Variants in MTF2 observed in about 807,000 individuals in gnomAD.
MTF2 encodes metal response element binding transcription factor 2.
MTF2 carries 11 observed loss-of-function variants against 79.5 expected under a neutral mutation model. That is an observed-to-expected ratio of 0.14 (90% CI 0.09 to 0.23). The LOEUF is 0.23. Among genes scored for constraint, MTF2 ranks in the 10% least tolerant of loss-of-function variants. The pLI is 1.00. For missense variants in MTF2, 486 were observed against 711.2 expected (o/e 0.68, Z 3.60); for synonymous variants, 208 against 232.8 (o/e 0.89, Z 0.97).
In MTF2 at chr1:93,137,945, T is replaced by C. The variant is rs1431352510; in HGVS notation, c.*918T>C. 6.6e-6 allele frequency: 1 copy of C among 152,204 alleles called. No homozygotes were observed. The highest frequency in any genetic ancestry group is 1.5e-5 in the Non-Finnish European group (1 of 68,022). 9.4% of individuals were successfully genotyped at this position (152,204 alleles called of 1,614,324 possible). A position where few individuals can be genotyped will look rare whatever the true frequency, so the allele number is the denominator to read the frequency against. On this transcript the variant is annotated 3_prime_UTR_variant, in exon 15 of 15. Coordinates refer to ENST00000370298, the MANE Select transcript of MTF2 (RefSeq NM_007358.4). ...AAATAATATGAACATTATCTCCTAC[T>C]AGAAGTAACGTTTTCAAGTTTTCAT...
rs145310966 is a variant in MTF2 at position 93,109,293 on chromosome 1, T to A, written c.6-937T>A. On this transcript the variant is annotated intron_variant, in intron 1 of 14. Coordinates refer to ENST00000370298, the MANE Select transcript of MTF2 (RefSeq NM_007358.4). ...TAATTTCACAGTATTTAATATATAT[T>A]TTTTTCCTTTAAGTACTCTTATAGT... Among the ~76,000 whole-genome samples the A allele has an allele frequency of 1.2e-4, 18 of 152,088 alleles. 1 individual carries two copies. The East Asian group carries it at 3.1e-3, about 26-fold the overall frequency.
chr1:93,080,562 G>T (rs943966503), intron 1 of MTF2, among the ~76,000 whole-genome samples: 1 of 152,216 alleles, frequency 6.6e-6, no homozygotes, highest in Non-Finnish European at 1.5e-5. Context: ...AGCTAGGCCT[G>T]TGTGTAATAC....
intron 1 of MTF2, among the ~76,000 whole-genome samples, chr1:93,081,517 A>G (rs898799188): frequency 6.6e-6 from 1 of 152,178 alleles, no homozygotes; most frequent in African/African-American, 2.4e-5. Context: ...TAGTTAGTCG[A>G]CACTTCCATG....
At chr1:93,107,516 G>A (rs762664478) in intron 1 of MTF2, among the ~76,000 whole-genome samples, 1 of 152,128 alleles carries the variant, frequency 6.6e-6, no homozygotes, top group South Asian at 2.1e-4. Flanking sequence ...ATGAGCCACC[G>A]TGCTGGCCAG....
At position 93,138,926 on chromosome 1, in the gene MTF2, A is replaced by G. The variant is rs998824505; in HGVS notation, c.*1899A>G. The G allele has an allele frequency of 2.0e-5, 3 of 152,248 alleles. No homozygotes were observed. The highest frequency in any genetic ancestry group is 7.2e-5 in the African/African-American group (3 of 41,478). 9.4% of individuals were successfully genotyped at this position (152,248 alleles called of 1,614,324 possible). A position where few individuals can be genotyped will look rare whatever the true frequency, so the allele number is the denominator to read the frequency against. On this transcript the variant is annotated 3_prime_UTR_variant, in exon 15 of 15. Transcript: ENST00000370298. ...AACATACTTGGAAGATGATTTATCC[A>G]GCTGAACTGTCTTTAGACGTAATTA...
intron 8 of MTF2, 99 bp from the exon 9 acceptor site, chr1:93,120,450 T>A: frequency 1.7e-6 from 2 of 1,146,810 alleles, no homozygotes; most frequent in East Asian, 5.4e-5. Flanking sequence ...ACCTAAATAT[T>A]TCTCTTTGCA....
At chr1:93,081,461 A>T (rs1230161961) in intron 1 of MTF2, among the ~76,000 whole-genome samples, 1 of 152,218 alleles carries the variant, frequency 6.6e-6, no homozygotes, top group African/African-American at 2.4e-5. Context: ...GCCATGACCA[A>T]CATCTGTAGC....
intron 1 of MTF2, among the ~76,000 whole-genome samples, chr1:93,097,084 A>C (rs1303059912): frequency 6.6e-6 from 1 of 152,178 alleles, no homozygotes; most frequent in Non-Finnish European, 1.5e-5. Context: ...TGCTGGGATT[A>C]CAGGCCTGAG....
At chr1:93,087,326 C>G (rs1210899575) in intron 1 of MTF2, among the ~76,000 whole-genome samples, 1 of 152,130 alleles carries the variant, frequency 6.6e-6, no homozygotes, top group Non-Finnish European at 1.5e-5. Context: ...AATCCCAGCA[C>G]TTTGGGAGGC....
chr1:93,089,987 T>A (rs1655006797), intron 1 of MTF2, among the ~76,000 whole-genome samples: 1 of 151,992 alleles, frequency 6.6e-6, no homozygotes, highest in South Asian at 2.1e-4. Context: ...TAATTTTTTT[T>A]CTTTTTTGAG....
intron 1 of MTF2, among the ~76,000 whole-genome samples, chr1:93,089,784 C>CT (rs933042786): frequency 3.3e-5 from 5 of 150,746 alleles, no homozygotes; most frequent in Non-Finnish European, 7.4e-5. Flanking sequence ...CCAGGCTGGT[C>CT]TTGAACTCCC....
At position 93,120,568 on chromosome 1, in the gene MTF2, T is replaced by C; in HGVS notation, c.817T>C (p.Cys273Arg). 6.2e-7 allele frequency: 1 copy of C among 1,605,450 alleles called. No homozygotes were observed. The highest frequency in any genetic ancestry group is 8.5e-7 in the Non-Finnish European group (1 of 1,176,066). Residue 273 changes from cysteine (C) to arginine (R), a missense_variant, in exon 9 of 15, where the codon TGC (cysteine) becomes CGC (arginine). Physicochemically the swap from Cys to Arg is radical, Grantham distance 180. Coordinates refer to ENST00000370298, the MANE Select transcript of MTF2 (RefSeq NM_007358.4). ...TTCCAGGGTAGATATAGCACACCTA[T>C]GCCTTTACAACCTAAGTGTTATTCA... Reference protein sequence around the residue: ...PLQWVDIAHLCLYNLSVIHKK... With the variant: ...PLQWVDIAHLRLYNLSVIHKK...
intron 1 of MTF2, among the ~76,000 whole-genome samples, chr1:93,090,156 T>G (rs1015567306): frequency 5.9e-5 from 9 of 152,148 alleles, no homozygotes; most frequent in Non-Finnish European, 1.2e-4. Context: ...TTTTGTATTT[T>G]TAGTAGAGAC....
At chr1:93,117,108 A>G (rs1656279349) in intron 6 of MTF2, among the ~76,000 whole-genome samples, 1 of 152,244 alleles carries the variant, frequency 6.6e-6, no homozygotes, top group Admixed American at 6.5e-5. Context: ...GAACCTAGAA[A>G]AATAGTGCTA....
chr1:93,097,992 C>T (rs1035264968), intron 1 of MTF2, among the ~76,000 whole-genome samples: 4 of 152,102 alleles, frequency 2.6e-5, no homozygotes, highest in African/African-American at 7.2e-5. Context: ...TATTGAGAAT[C>T]GATGTGTGCC....
At chr1:93,118,324 C>G in intron 6 of MTF2, 21 bp from the exon 7 acceptor site, 1 of 1,259,904 alleles carries the variant, frequency 7.9e-7, no homozygotes, top group Non-Finnish European at 1.1e-6. Context: ...TTAGTGTTAA[C>G]TTTTTTGTTT....
intron 1 of MTF2, among the ~76,000 whole-genome samples, chr1:93,084,996 A>G (rs1654775726): frequency 6.6e-6 from 1 of 152,206 alleles, no homozygotes; most frequent in Non-Finnish European, 1.5e-5. Context: ...TCTTATCAGT[A>G]CTTGAGCCCC....
At position 93,129,130 on chromosome 1, in the gene MTF2, A is replaced by C. The variant is rs949475510; in HGVS notation, c.990-148A>C. 4 of 479,886 alleles carry C rather than the reference A, an allele frequency of 8.3e-6. No individual in the cohort carries two copies. In the Admixed American group the frequency reaches 1.6e-4, roughly 19 times the overall value. The allele number at this position is 479,886 out of a possible 1,614,324, so 29.7% of individuals were successfully genotyped here. Reference sequence around the variant, plus strand: ...CTGTAGACTGGCTCTGGGGCAGATAAAAATCAAGGAAAGCAAGGGGAAGTG... The same window carrying C: ...CTGTAGACTGGCTCTGGGGCAGATACAAATCAAGGAAAGCAAGGGGAAGTG... On this transcript the variant is annotated intron_variant, in intron 10 of 14. Transcript: ENST00000370298.
chr1:93,083,941 C>T (rs1654722709), intron 1 of MTF2, among the ~76,000 whole-genome samples: 1 of 152,182 alleles, frequency 6.6e-6, no homozygotes, highest in Admixed American at 6.5e-5. Flanking sequence ...TTCTTGGATA[C>T]AAGCCTGTTA....
Sources: allele counts gnomAD v4.1 joint callset (sites outside exome capture counted in the v4.1 genomes callset), GRCh38; gene constraint gnomAD v4.1.1; transcripts MANE v1.5; gene names NCBI Gene and HGNC (gene_info 2026-07-23, HGNC 2026-07-21).